The following CDK15 variants were observed in gnomAD, a reference collection of about 807,000 sequenced individuals.
The protein encoded by CDK15 is cyclin dependent kinase 15.
In CDK15, 62 loss-of-function variants were observed where a neutral mutation model predicts 60.3. The observed-to-expected ratio is 1.03, with a 90% CI of 0.84 to 1.27. The LOEUF (loss-of-function observed/expected upper bound fraction) is 1.27. Ranked by LOEUF, CDK15 falls within the 50% of genes most tolerant of loss-of-function variation. CDK15 has a pLI of 0.00. For synonymous variants in CDK15, 194 were observed against 195.7 expected (o/e 0.99, Z 0.07); for missense variants, 541 against 527.8 (o/e 1.03, Z -0.25).
chr2:201,847,287 C>A, intron 8 of CDK15, 94 bp from the exon 9 acceptor site: 2 of 1,274,746 alleles, frequency 1.6e-6, no homozygotes, highest in South Asian at 2.6e-5. Flanking sequence ...TTAACTCTCC[C>A]TAAAATATTT....
At chr2:201,885,638 T>G (rs1699427265) in intron 12 of CDK15, among the ~76,000 whole-genome samples, 3 of 152,264 alleles carry the variant, frequency 2.0e-5, no homozygotes, top group African/African-American at 7.2e-5. Context: ...GAAAACCAAG[T>G]CCCTCAGCCC....
At chr2:201,857,863 C>T (rs1445394962) in intron 10 of CDK15, among the ~76,000 whole-genome samples, 4 of 152,144 alleles carry the variant, frequency 2.6e-5, no homozygotes, top group African/African-American at 9.7e-5. Flanking sequence ...CCCTGAGCTG[C>T]TGTGGCTTCT....
chr2:201,847,550 A>ATT, intron 9 of CDK15, 76 bp downstream of exon 9: 3 of 1,236,004 alleles, frequency 2.4e-6, no homozygotes, highest in Non-Finnish European at 3.6e-6. Flanking sequence ...TTACAGACAA[A>ATT]TGAAGCAGTC....
chr2:201,879,443 A>C (rs1397361437), intron 11 of CDK15, among the ~76,000 whole-genome samples: 1 of 152,158 alleles, frequency 6.6e-6, no homozygotes, highest in East Asian at 1.9e-4. Context: ...GCTGTGGTGC[A>C]ATATTAGCTC....
chr2:201,869,257 T>G (rs1237114432), intron 10 of CDK15, among the ~76,000 whole-genome samples: 1 of 152,110 alleles, frequency 6.6e-6, no homozygotes, highest in African/African-American at 2.4e-5. Flanking sequence ...GAAACCATCA[T>G]TCTGAGCAAA....
intron 7 of CDK15, 35 bp from the exon 8 acceptor site, chr2:201,835,608 G>C: frequency 6.4e-7 from 1 of 1,559,548 alleles, no homozygotes; most frequent in Non-Finnish European, 8.7e-7. Context: ...CCAAGGTCCA[G>C]AACGATGGGT....
intron 6 of CDK15, among the ~76,000 whole-genome samples, chr2:201,831,503 A>C (rs1158636364): frequency 6.6e-6 from 1 of 152,222 alleles, no homozygotes; most frequent in Non-Finnish European, 1.5e-5. Context: ...TGAATGAAGA[A>C]TCCAGGTTGG....
intron 1 of CDK15, 91 bp downstream of exon 1, chr2:201,806,878 C>A: frequency 6.9e-7 from 1 of 1,457,210 alleles, no homozygotes; most frequent in South Asian, 1.3e-5. Context: ...GATTCTTCTG[C>A]GGTAGGTCTA....
chr2:201,849,527 A>G (rs572476051), intron 9 of CDK15, among the ~76,000 whole-genome samples: 3 of 152,298 alleles, frequency 2.0e-5, no homozygotes, highest in Non-Finnish European at 4.4e-5. Flanking sequence ...AAGGTCTTGT[A>G]AGAAGCTATA....
chr2:201,880,144 C>G lies in CDK15; in HGVS notation c.1175C>G (p.Ser392Cys), dbSNP rs1449136461. ...CATGATTATTTCAGCGCCCTGCCATCTCAGCTGTACCAGCTTCCTGATGGT... is the reference window on the plus strand; with the variant it reads ...CATGATTATTTCAGCGCCCTGCCATGTCAGCTGTACCAGCTTCCTGATGGT... ...LVHDYFSALP[S>C]QLYQLPDEES... Residue 392 changes from serine (S) to cysteine (C), a missense_variant, in exon 12 of 14, where the codon TCT becomes TGT. Ser to Cys is a moderately radical substitution (Grantham distance 112, BLOSUM62 -1). Transcript: ENST00000652192. 6.2e-7 allele frequency: 1 copy of G among 1,613,938 alleles called. No homozygotes were observed. The highest frequency in any genetic ancestry group is 1.6e-4 in the Middle Eastern group (1 of 6,082).
chr2:201,887,411 T>C (rs964641450), intron 12 of CDK15, among the ~76,000 whole-genome samples: 5 of 152,228 alleles, frequency 3.3e-5, no homozygotes, highest in African/African-American at 1.2e-4. Context: ...ACTGGTGTTA[T>C]ATTGTCTTAG....
At chr2:201,846,105 A>G (rs1307308515) in intron 8 of CDK15, among the ~76,000 whole-genome samples, 1 of 152,138 alleles carries the variant, frequency 6.6e-6, no homozygotes, top group East Asian at 1.9e-4. Flanking sequence ...TGCACCTTAT[A>G]ATCAGTAGCA....
chr2:201,862,102 G>A (rs1310852108), intron 10 of CDK15, among the ~76,000 whole-genome samples: 2 of 152,162 alleles, frequency 1.3e-5, no homozygotes, highest in East Asian at 1.9e-4. Context: ...ACCTAAGTCA[G>A]TTGTGTGCCC....
At chr2:201,887,402 C>T (rs776348451) in intron 12 of CDK15, among the ~76,000 whole-genome samples, 2 of 152,128 alleles carry the variant, frequency 1.3e-5, no homozygotes, top group Non-Finnish European at 2.9e-5. Context: ...TTTCTTTAAA[C>T]TGGTGTTATA....
intron 8 of CDK15, among the ~76,000 whole-genome samples, chr2:201,840,891 T>C (rs566587258): frequency 6.6e-6 from 1 of 152,344 alleles, no homozygotes; most frequent in South Asian, 2.1e-4. Context: ...CTGTTTGGTA[T>C]ATCTTGTGTT....
rs746974802 is a variant in CDK15 at position 201,807,543 on chromosome 2, G to C, written c.173G>C (p.Arg58Thr). The C allele has an allele frequency of 5.6e-6, 9 of 1,614,126 alleles. No individual in the cohort carries two copies. Among genetic ancestry groups the C allele is most frequent in the Admixed American group, 5.0e-5 (3 of 60,016 alleles). Residue 58 changes from arginine (R) to threonine (T), a missense_variant, in exon 2 of 14, where the codon AGG becomes ACG. Transcript: ENST00000652192. ...ASCSMTSFHP[R>T]GLQAARAQKF... The stretch of plus-strand genomic sequence containing the variant: ...TGTTCCATGACTTCATTTCACCCCA[G>C]GGGACTTCAAGCTGCCCGTGCCCAG...
chr2:201,835,930 T>C (rs1696993935), intron 8 of CDK15, among the ~76,000 whole-genome samples, 167 bp downstream of exon 8: 2 of 132,020 alleles, frequency 1.5e-5, no homozygotes, highest in Admixed American at 1.7e-4. Context: ...TATTTATATT[T>C]TATATATTTA....
At chr2:201,831,825 G>A (rs1018705684) in intron 6 of CDK15, among the ~76,000 whole-genome samples, 1 of 152,140 alleles carries the variant, frequency 6.6e-6, no homozygotes, top group Non-Finnish European at 1.5e-5. Flanking sequence ...CTTTTCTCTA[G>A]TTTCTCAGGA....
At chr2:201,822,763 C>T (rs777926404) in intron 4 of CDK15, 46 bp from the exon 5 acceptor site, 2 of 1,138,476 alleles carry the variant, frequency 1.8e-6, no homozygotes. Flanking sequence ...TAGAGCAGCA[C>T]TTTCATTATC....
Sources: gnomAD v4.1 joint callset for allele counts (sites outside exome capture counted in the v4.1 genomes callset) on GRCh38, gnomAD v4.1.1 for gene constraint, MANE v1.5 for transcripts, NCBI Gene and HGNC (gene_info 2026-07-23, HGNC 2026-07-21) for gene names.